The following AXDND1 variants were observed in gnomAD, a reference collection of about 807,000 sequenced individuals.
AXDND1 encodes axonemal dynein light chain domain-containing protein 1.
A neutral mutation model predicts 137.5 loss-of-function variants in AXDND1; 110 were observed. The ratio of observed to expected loss-of-function variants is 0.80; its 90% CI spans 0.69 to 0.94. AXDND1 has a LOEUF of 0.94. Ranked by LOEUF, AXDND1 falls within the 40% of genes least tolerant of loss-of-function variation. The pLI, the probability that AXDND1 is intolerant of heterozygous loss-of-function variation, is 0.00. For missense variants in AXDND1, 1,191 were observed against 1,169.8 expected (o/e 1.02, Z -0.26); for synonymous variants, 414 against 399.7 (o/e 1.04, Z -0.43).
At chr1:179,385,391 C>G in intron 9 of AXDND1, 32 bp downstream of exon 9, 1 of 1,612,384 alleles carries the variant, frequency 6.2e-7, no homozygotes, top group East Asian at 2.2e-5. Flanking sequence ...GTCCAGTTTC[C>G]TTTTGATTTT....
At chr1:179,429,097 A>C (rs1657005444) in intron 12 of AXDND1, among the ~76,000 whole-genome samples, 1 of 152,140 alleles carries the variant, frequency 6.6e-6, no homozygotes, top group Admixed American at 6.6e-5. Context: ...GAATGGTGTG[A>C]ACCCGGGAGT....
At chr1:179,468,390 A>C in intron 16 of AXDND1, 53 bp from the exon 17 acceptor site, 4 of 1,267,972 alleles carry the variant, frequency 3.2e-6, no homozygotes, top group Middle Eastern at 2.7e-4. Context: ...TTGGTATTAA[A>C]ATAGTAGTCT....
chr1:179,464,218 G>A (rs12131746), intron 16 of AXDND1, among the ~76,000 whole-genome samples: 21,026 of 152,062 alleles, frequency 0.14, 1,601 homozygotes, highest in East Asian at 0.35. Context: ...ATCAATGGTC[G>A]TTACAATTTG....
intron 2 of AXDND1, among the ~76,000 whole-genome samples, chr1:179,367,985 TTC>T (rs1366611511): frequency 2.0e-5 from 3 of 151,686 alleles, no homozygotes; most frequent in Non-Finnish European, 4.4e-5. Context: ...TTTTTTTTTC[TTC>T]TGTTTCTTTT....
At chr1:179,366,970 AGCAC>A (rs532429424) in intron 2 of AXDND1, among the ~76,000 whole-genome samples, 17 of 151,394 alleles carry the variant, frequency 1.1e-4, no homozygotes, top group African/African-American at 3.7e-4. Flanking sequence ...CTGTAATCCC[AGCAC>A]TTTGGGAGGC....
intron 21 of AXDND1, among the ~76,000 whole-genome samples, chr1:179,510,941 T>G (rs1035228004): frequency 6.9e-6 from 1 of 144,438 alleles, no homozygotes; most frequent in Non-Finnish European, 1.5e-5. Context: ...TGTATCATTC[T>G]TATGCCTTTG....
At chr1:179,548,097 G>C (rs1454700711) in intron 25 of AXDND1, among the ~76,000 whole-genome samples, 2 of 152,204 alleles carry the variant, frequency 1.3e-5, no homozygotes, top group Non-Finnish European at 2.9e-5. Flanking sequence ...AGCTGGTTCT[G>C]TCCTAGAACA....
intron 11 of AXDND1, among the ~76,000 whole-genome samples, chr1:179,410,006 G>A (rs932057243): frequency 3.3e-5 from 5 of 151,744 alleles, no homozygotes; most frequent in African/African-American, 1.2e-4. Context: ...TGATAATTGA[G>A]GTCTAATTTT....
chr1:179,379,522 G>T, intron 6 of AXDND1, 40 bp downstream of exon 6: 1 of 1,603,442 alleles, frequency 6.2e-7, no homozygotes, highest in South Asian at 1.1e-5. Flanking sequence ...GCCCCAGCTC[G>T]GTGGCCCATG....
At chr1:179,427,138 T>C (rs186298206) in intron 12 of AXDND1, among the ~76,000 whole-genome samples, 2 of 152,128 alleles carry the variant, frequency 1.3e-5, no homozygotes, top group Admixed American at 6.5e-5. Flanking sequence ...CACTCCAGCC[T>C]GGGCCATAGA....
intron 11 of AXDND1, among the ~76,000 whole-genome samples, chr1:179,395,972 T>G (rs890790906): frequency 6.6e-6 from 1 of 151,872 alleles, no homozygotes; most frequent in South Asian, 2.1e-4. Context: ...AGTTTGAGAC[T>G]AGCCTGGCCA....
At chr1:179,509,199 A>C in intron 20 of AXDND1, 97 bp from the exon 21 acceptor site, 1 of 714,144 alleles carries the variant, frequency 1.4e-6, no homozygotes, top group South Asian at 1.9e-5. Flanking sequence ...AATTGAATAT[A>C]GTTATGTTTA....
chr1:179,535,294 T>G (rs1378390729), intron 25 of AXDND1, among the ~76,000 whole-genome samples: 1 of 152,170 alleles, frequency 6.6e-6, no homozygotes, highest in Non-Finnish European at 1.5e-5. Flanking sequence ...TACATAGGTA[T>G]ACATGTGCCA....
chr1:179,535,005 T>C (rs752821102), intron 25 of AXDND1, 43 bp downstream of exon 25: 1 of 1,606,592 alleles, frequency 6.2e-7, no homozygotes, highest in Non-Finnish European at 8.5e-7. Flanking sequence ...GTTGTATTTA[T>C]GAAAGAAAAT....
intron 23 of AXDND1, among the ~76,000 whole-genome samples, chr1:179,528,918 C>A (rs1670799902): frequency 6.6e-6 from 1 of 152,104 alleles, no homozygotes; most frequent in Non-Finnish European, 1.5e-5. Flanking sequence ...ATCAGTATTT[C>A]ATCTCTTTCC....
At chr1:179,462,693 A>G (rs1321541401) in intron 16 of AXDND1, among the ~76,000 whole-genome samples, 1 of 152,124 alleles carries the variant, frequency 6.6e-6, no homozygotes, top group Non-Finnish European at 1.5e-5. Context: ...TAAGCTATTA[A>G]TTATTGCCTC....
At chr1:179,516,298 T>G (rs1669532962) in intron 21 of AXDND1, among the ~76,000 whole-genome samples, 1 of 152,190 alleles carries the variant, frequency 6.6e-6, no homozygotes, top group African/African-American at 2.4e-5. Flanking sequence ...ATTTCCCTGA[T>G]GTTTTGATTG....
intron 11 of AXDND1, among the ~76,000 whole-genome samples, chr1:179,399,491 A>G (rs1651604985): frequency 6.6e-6 from 1 of 152,158 alleles, no homozygotes; most frequent in African/African-American, 2.4e-5. Context: ...ATAACATTGG[A>G]AAACCCTTCT....
chr1:179,448,218 G>T (rs999819198), intron 16 of AXDND1: 4 of 808,584 alleles, frequency 4.9e-6, no homozygotes, highest in African/African-American at 1.7e-5. Context: ...TGAGCTGGTT[G>T]TGCTTTCATA....
Sources: gnomAD v4.1 joint callset for allele counts (sites outside exome capture counted in the v4.1 genomes callset) on GRCh38, gnomAD v4.1.1 for gene constraint, MANE v1.5 for transcripts, NCBI Gene and HGNC (gene_info 2026-07-23, HGNC 2026-07-21) for gene names.